The following CTNND2 variants were observed in gnomAD, a reference collection of about 807,000 sequenced individuals.
CTNND2 encodes the protein catenin delta 2.
A neutral mutation model predicts 144.4 loss-of-function variants in CTNND2; 22 were observed. The ratio of observed to expected loss-of-function variants is 0.15; its 90% CI spans 0.11 to 0.22. The LOEUF (loss-of-function observed/expected upper bound fraction) is 0.22, where lower values mean the gene tolerates loss of function less well. Among genes scored for constraint, CTNND2 ranks in the 10% least tolerant of loss-of-function variants. CTNND2 has a pLI of 1.00. For missense variants in CTNND2, 1,353 were observed against 1,618.8 expected (o/e 0.84, Z 2.82); for synonymous variants, 751 against 695.6 (o/e 1.08, Z -1.25).
intron 1 of CTNND2, among the ~76,000 whole-genome samples, chr5:11,748,707 C>G (rs960395329): frequency 6.6e-6 from 1 of 152,030 alleles, no homozygotes; most frequent in Non-Finnish European, 1.5e-5. Context: ...TATTTTCCCT[C>G]TCACCTGCAT....
At chr5:11,156,849 C>A (rs1298703877) in intron 12 of CTNND2, among the ~76,000 whole-genome samples, 1 of 152,146 alleles carries the variant, frequency 6.6e-6, no homozygotes, top group African/African-American at 2.4e-5. Context: ...AGACCACTGG[C>A]ATTTAAAAGC....
intron 7 of CTNND2, among the ~76,000 whole-genome samples, chr5:11,373,811 T>G (rs541720068): frequency 6.6e-6 from 1 of 152,170 alleles, no homozygotes; most frequent in East Asian, 1.9e-4. Context: ...TTCCTGAAAG[T>G]GAGGGAAGGA....
At chr5:11,263,910 G>A (rs1326942042) in intron 9 of CTNND2, among the ~76,000 whole-genome samples, 1 of 152,220 alleles carries the variant, frequency 6.6e-6, no homozygotes, top group South Asian at 2.1e-4. Flanking sequence ...AGATGCAGTG[G>A]ATTAGGGTCT....
intron 2 of CTNND2, among the ~76,000 whole-genome samples, chr5:11,723,956 G>A (rs1001647013): frequency 8.6e-5 from 13 of 151,982 alleles, no homozygotes; most frequent in Non-Finnish European, 1.2e-4. Flanking sequence ...CTCGGGAGCT[G>A]TGGCAGAAGA....
chr5:11,386,864 A>G (rs1301804483), intron 6 of CTNND2, among the ~76,000 whole-genome samples: 2 of 152,160 alleles, frequency 1.3e-5, no homozygotes, highest in Non-Finnish European at 2.9e-5. Flanking sequence ...GAGGATGGGT[A>G]ACGAACACTA....
chr5:10,996,025 G>A (rs948707450), intron 18 of CTNND2, among the ~76,000 whole-genome samples: 3 of 152,200 alleles, frequency 2.0e-5, no homozygotes, highest in African/African-American at 7.2e-5. Context: ...TGGTCCTTGA[G>A]TTGGGTGGGG....
intron 3 of CTNND2, among the ~76,000 whole-genome samples, chr5:11,516,315 T>C (rs2150032661): frequency 6.6e-6 from 1 of 151,906 alleles, no homozygotes; most frequent in East Asian, 1.9e-4. Context: ...GTAAAGGAAG[T>C]CCTGGACGAG....
intron 1 of CTNND2, among the ~76,000 whole-genome samples, chr5:11,792,751 A>G (rs770767413): frequency 2.6e-5 from 4 of 152,238 alleles, no homozygotes; most frequent in Admixed American, 2.0e-4. Flanking sequence ...ATAAAACAGC[A>G]ATGTCCTCTT....
At chr5:11,119,093 G>A (rs1188891582) in intron 12 of CTNND2, among the ~76,000 whole-genome samples, 3 of 152,150 alleles carry the variant, frequency 2.0e-5, no homozygotes, top group Admixed American at 6.5e-5. Context: ...TCAGTCTTAC[G>A]TCTCTACCTA....
intron 15 of CTNND2, among the ~76,000 whole-genome samples, chr5:11,093,622 T>C (rs1030458264): frequency 1.6e-4 from 25 of 152,280 alleles, no homozygotes; most frequent in Middle Eastern, 6.8e-3. Flanking sequence ...ATGAGGTCTA[T>C]AAAAAGCTGT....
chr5:11,555,905 T>C (rs374798226), intron 3 of CTNND2, among the ~76,000 whole-genome samples: 1 of 152,156 alleles, frequency 6.6e-6, no homozygotes, highest in Non-Finnish European at 1.5e-5. Context: ...AATATGTCTA[T>C]AGTCCCTCTA....
At chr5:11,286,741 G>A (rs1437405650) in intron 9 of CTNND2, among the ~76,000 whole-genome samples, 3 of 152,208 alleles carry the variant, frequency 2.0e-5, no homozygotes, top group Non-Finnish European at 2.9e-5. Context: ...GACAGTGGGA[G>A]TATAAAATGG....
At chr5:11,363,041 T>A (rs1431127561) in intron 8 of CTNND2, among the ~76,000 whole-genome samples, 2 of 152,242 alleles carry the variant, frequency 1.3e-5, no homozygotes, top group Non-Finnish European at 2.9e-5. Context: ...AATCATCTTT[T>A]GATTTTTCCC....
intron 2 of CTNND2, among the ~76,000 whole-genome samples, chr5:11,616,898 C>T (rs897587527): frequency 1.3e-5 from 2 of 152,128 alleles, no homozygotes; most frequent in African/African-American, 2.4e-5. Context: ...TGAGCCACTG[C>T]GCCCAGCCCT....
At chr5:11,087,789 A>G (rs890573241) in intron 15 of CTNND2, among the ~76,000 whole-genome samples, 6 of 152,226 alleles carry the variant, frequency 3.9e-5, no homozygotes, top group Non-Finnish European at 7.3e-5. Flanking sequence ...AATTTTAAAA[A>G]TCTAAGTCAA....
At chr5:11,732,534 G>T (rs763352332) in intron 1 of CTNND2, among the ~76,000 whole-genome samples, 2 of 152,094 alleles carry the variant, frequency 1.3e-5, no homozygotes, top group Non-Finnish European at 2.9e-5. Context: ...GGTAAATGGG[G>T]AAAGAAATCA....
intron 9 of CTNND2, among the ~76,000 whole-genome samples, chr5:11,317,488 C>G (rs1751632940): frequency 6.6e-6 from 1 of 152,212 alleles, no homozygotes; most frequent in Non-Finnish European, 1.5e-5. Flanking sequence ...CAATTATCCA[C>G]TGTTTTGAAT....
intron 8 of CTNND2, among the ~76,000 whole-genome samples, chr5:11,347,186 A>G (rs1371802549): frequency 6.6e-6 from 1 of 152,182 alleles, no homozygotes; most frequent in Non-Finnish European, 1.5e-5. Context: ...AGAACATTCA[A>G]TCCATGACTG....
chr5:11,261,697 C>T (rs1561113139), intron 9 of CTNND2, among the ~76,000 whole-genome samples: 1 of 152,228 alleles, frequency 6.6e-6, no homozygotes, highest in East Asian at 1.9e-4. Context: ...CACTGCAAAC[C>T]TTGGTCTTTC....
Sources: gnomAD v4.1 joint callset for allele counts (sites outside exome capture counted in the v4.1 genomes callset) on GRCh38, gnomAD v4.1.1 for gene constraint, MANE v1.5 for transcripts, NCBI Gene and HGNC (gene_info 2026-07-23, HGNC 2026-07-21) for gene names.